The following PCDHAC1 variants were observed in gnomAD, a reference collection of about 807,000 sequenced individuals.
The protein encoded by PCDHAC1 is protocadherin alpha subfamily C, 1, also known as protocadherin alpha-C1.
Under a neutral mutation model 60.0 loss-of-function variants are expected in PCDHAC1, and 42 were observed. The observed-to-expected ratio is 0.70, with a 90% CI of 0.55 to 0.90. The LOEUF is 0.90. Ranked by LOEUF, PCDHAC1 falls within the 40% of genes least tolerant of loss-of-function variation. The probability of loss-of-function intolerance (pLI) is 0.00; values close to 1 mark genes in which losing one functional copy is unlikely to be tolerated. For synonymous variants in PCDHAC1, 468 were observed against 499.3 expected (o/e 0.94, Z 0.84); for missense variants, 1,160 against 1,222.3 (o/e 0.95, Z 0.76).
intron 2 of PCDHAC1, among the ~76,000 whole-genome samples, chr5:140,979,710 A>C (rs1178718053): frequency 1.3e-5 from 2 of 152,268 alleles, no homozygotes; most frequent in African/African-American, 4.8e-5. Flanking sequence ...GAGGTGATCC[A>C]GTATCCATGC....
Position 140,927,796 on chromosome 5 carries a change from C to T in PCDHAC1, c.904C>T (p.Pro302Ser). Reference sequence around the variant, plus strand: ...GCAAGTAGCTGCTTCACTAGGTCCGCCTGAAACGCTCTTGGAGGCATACAT... The same window carrying T: ...GCAAGTAGCTGCTTCACTAGGTCCGTCTGAAACGCTCTTGGAGGCATACAT... ...EVQVAASLGP[P>S]ETLLEAYIEA... The change falls in exon 1 of 4, where the codon CCT (proline) becomes TCT (serine). Residue 302 changes from proline to serine, a missense_variant. Pro to Ser is a moderately conservative substitution (Grantham distance 74, BLOSUM62 -1). Transcript: ENST00000253807. The T allele has an allele frequency of 6.2e-7, 1 of 1,614,202 alleles. No homozygotes were observed. The highest frequency in any genetic ancestry group is 1.1e-5 in the South Asian group (1 of 91,080).
At chr5:140,951,170 A>G (rs62384503) in intron 1 of PCDHAC1, among the ~76,000 whole-genome samples, 5,911 of 151,952 alleles carry the variant, frequency 0.039, 176 homozygotes, top group Non-Finnish European at 0.057. Flanking sequence ...TAGCTACTTT[A>G]AAGTCATTGT....
In PCDHAC1 at chr5:141,010,434, A is replaced by G; in HGVS notation, c.*497A>G. 9.7e-7 allele frequency: 1 copy of G among 1,031,156 alleles called. No homozygotes were observed. Among genetic ancestry groups the G allele is most frequent in the Non-Finnish European group, 1.4e-6 (1 of 732,962 alleles). 63.9% of individuals were successfully genotyped at this position (1,031,156 alleles called of 1,614,324 possible). A position where few individuals can be genotyped will look rare whatever the true frequency, so the allele number is the denominator to read the frequency against. ...TTGGTACAAGGAAGGCAAGAAAACA[A>G]AGACAAATAAACAGCGGAAGTTATC... On this transcript the variant is annotated 3_prime_UTR_variant, in exon 4 of 4. Transcript: ENST00000253807.
At chr5:140,967,282 GC>G in intron 1 of PCDHAC1, 1 of 1,613,078 alleles carries the variant, frequency 6.2e-7, no homozygotes, top group Non-Finnish European at 8.5e-7. Flanking sequence ...TAGAGAGTGC[GC>G]AGGACCCCGA....
chr5:140,984,945 C>CT (rs113297104), intron 3 of PCDHAC1, among the ~76,000 whole-genome samples: 99 of 149,274 alleles, frequency 6.6e-4, no homozygotes, highest in Non-Finnish European at 1.1e-3. Context: ...AATGTCTAAT[C>CT]TTTTTTTTTT....
At chr5:140,981,111 T>C (rs1275828842) in intron 2 of PCDHAC1, among the ~76,000 whole-genome samples, 3 of 152,232 alleles carry the variant, frequency 2.0e-5, no homozygotes, top group African/African-American at 2.4e-5. Context: ...GAATTTCTAC[T>C]GGATATGTTG....
chr5:140,960,253 G>A (rs1554224599), intron 1 of PCDHAC1, among the ~76,000 whole-genome samples: 1 of 152,178 alleles, frequency 6.6e-6, no homozygotes, highest in African/African-American at 2.4e-5. Context: ...GCTTCCTGGA[G>A]CTTCTGATAA....
At chr5:140,975,560 A>T (rs1302523568) in intron 1 of PCDHAC1, among the ~76,000 whole-genome samples, 1 of 152,238 alleles carries the variant, frequency 6.6e-6, no homozygotes, top group Non-Finnish European at 1.5e-5. Flanking sequence ...AAGGAAAAGG[A>T]GATATTATAT....
intron 1 of PCDHAC1, among the ~76,000 whole-genome samples, chr5:140,952,639 G>C (rs2094775564): frequency 6.6e-6 from 1 of 152,102 alleles, no homozygotes; most frequent in Non-Finnish European, 1.5e-5. Flanking sequence ...ATTCCAACCT[G>C]TGCCTGGTTA....
In PCDHAC1 at chr5:140,995,948, C is replaced by T. The variant is rs143431693; in HGVS notation, c.2581+13385C>T. Among the ~76,000 whole-genome samples the T allele has an allele frequency of 4.7e-3, 711 of 152,264 alleles. 7 individuals carry two copies. The highest frequency in any genetic ancestry group is 0.016 in the African/African-American group (645 of 41,554). ...TGTAAGTATTAAATGACATAATGCA[C>T]GCAAAATGCTTAGAACCATGCTTAG... On this transcript the variant is annotated intron_variant, in intron 3 of 3. Transcript: ENST00000253807.
intron 3 of PCDHAC1, among the ~76,000 whole-genome samples, chr5:141,005,617 G>C (rs1419951778): frequency 6.7e-6 from 1 of 149,280 alleles, no homozygotes; most frequent in Non-Finnish European, 1.5e-5. Context: ...CAGGAGAATG[G>C]CGTGAACCCG....
intron 3 of PCDHAC1, among the ~76,000 whole-genome samples, chr5:140,996,055 C>A (rs1289526573): frequency 6.6e-6 from 1 of 152,164 alleles, no homozygotes; most frequent in Non-Finnish European, 1.5e-5. Flanking sequence ...GTGCTTGGCA[C>A]ACAGTAAAGA....
intron 1 of PCDHAC1, among the ~76,000 whole-genome samples, chr5:140,938,877 A>ACACACACACACACAGATG (rs2092241507): frequency 1.3e-5 from 2 of 150,854 alleles, no homozygotes; most frequent in South Asian, 4.2e-4. Context: ...TTAAGAAGCA[A>ACACACACACACACAGATG]CACACACACA....
At chr5:141,005,228 C>G (rs974482410) in intron 3 of PCDHAC1, among the ~76,000 whole-genome samples, 11 of 152,182 alleles carry the variant, frequency 7.2e-5, no homozygotes, top group Admixed American at 2.0e-4. Flanking sequence ...TACTAAACAC[C>G]TGTTATGGGC....
intron 1 of PCDHAC1, among the ~76,000 whole-genome samples, chr5:140,957,274 C>A (rs1251520860): frequency 6.6e-6 from 1 of 152,104 alleles, no homozygotes; most frequent in South Asian, 2.1e-4. Context: ...ACTAGTCCCC[C>A]CTTACCTGCA....
intron 3 of PCDHAC1, among the ~76,000 whole-genome samples, chr5:141,002,755 T>C (rs894161079): frequency 3.3e-5 from 5 of 152,174 alleles, no homozygotes; most frequent in Non-Finnish European, 7.3e-5. Flanking sequence ...GACAACCCTG[T>C]GATGTAGACA....
intron 3 of PCDHAC1, among the ~76,000 whole-genome samples, chr5:140,987,224 A>T (rs28567024): frequency 4.6e-5 from 7 of 152,044 alleles, no homozygotes; most frequent in East Asian, 1.9e-4. Context: ...AAAAAAAAAA[A>T]AAATAATAAA....
intron 1 of PCDHAC1, among the ~76,000 whole-genome samples, chr5:140,976,863 T>G (rs116630325): frequency 0.028 from 4,205 of 152,320 alleles, 87 homozygotes; most frequent in Non-Finnish European, 0.044. Flanking sequence ...GAGTTTACTG[T>G]CTGACAAAGA....
intron 1 of PCDHAC1, among the ~76,000 whole-genome samples, chr5:140,975,067 T>C (rs2096652705): frequency 6.6e-6 from 1 of 152,146 alleles, no homozygotes; most frequent in African/African-American, 2.4e-5. Flanking sequence ...TCGAGCTCAT[T>C]CAGATTGTTG....
Sources: gnomAD v4.1 joint callset for allele counts (sites outside exome capture counted in the v4.1 genomes callset) on GRCh38, gnomAD v4.1.1 for gene constraint, MANE v1.5 for transcripts, NCBI Gene and HGNC (gene_info 2026-07-23, HGNC 2026-07-21) for gene names.